CAPG: variants seen among roughly 807,000 people sequenced by gnomAD.
CAPG encodes the protein capping actin protein, gelsolin like.
A neutral mutation model predicts 44.6 loss-of-function variants in CAPG; 32 were observed. The observed-to-expected ratio is 0.72, with a 90% CI of 0.54 to 0.96. The LOEUF (loss-of-function observed/expected upper bound fraction) is 0.96. Among genes scored for constraint, CAPG ranks in the 50% least tolerant of loss-of-function variants. The pLI is 0.00. For missense variants in CAPG, 412 were observed against 438.3 expected, an observed-to-expected ratio of 0.94 and a Z score of 0.54; for synonymous variants, 175 against 179.6, an observed-to-expected ratio of 0.97 and a Z score of 0.20.
rs920151237 is a variant in CAPG at position 85,399,126 on chromosome 2, G to A, written c.666+10C>T. The A allele has an allele frequency of 6.2e-7, 1 of 1,611,172 alleles. No individual in the cohort carries two copies. Among genetic ancestry groups the A allele is most frequent in the Non-Finnish European group, 8.5e-7 (1 of 1,177,698 alleles). On this transcript the variant is annotated intron_variant, in intron 6 of 9. Coordinates refer to ENST00000263867, the MANE Select transcript of CAPG (RefSeq NM_001747.4). ...GAGGCTCCCAGCCACCCACTCCAATGTCCCCCAACCTGGATCATCTCAGCA... is the reference window on the plus strand; with the variant it reads ...GAGGCTCCCAGCCACCCACTCCAATATCCCCCAACCTGGATCATCTCAGCA...
At chr2:85,392,851 G>T (rs972846843), downstream of CAPG, among the ~76,000 whole-genome samples, 2 of 152,130 alleles carry the variant, frequency 1.3e-5, no homozygotes, top group African/African-American at 2.4e-5. Context: ...CAGGTTGGGT[G>T]ATTCTTCCCT....
At position 85,399,296 on chromosome 2, in the gene CAPG, G is replaced by A; in HGVS notation, c.517-11C>T. 1.9e-6 allele frequency: 3 copies of A among 1,613,630 alleles called. No individual in the cohort carries two copies. The highest frequency in any genetic ancestry group is 2.2e-5 in the East Asian group (1 of 44,858). ...CCAGGCGAAGATGTTCTGCAAGGAA[G>A]CAGGAAAGTCCGGGTCAGAGCCAGA... On this transcript the variant is annotated splice_polypyrimidine_tract_variant and intron_variant, in intron 5 of 9. Coordinates refer to ENST00000263867, the MANE Select transcript of CAPG (RefSeq NM_001747.4).
At chr2:85,393,689 C>G (rs1686468089), downstream of CAPG, among the ~76,000 whole-genome samples, 1 of 152,170 alleles carries the variant, frequency 6.6e-6, no homozygotes, top group African/African-American at 2.4e-5. Flanking sequence ...CTCAGCCTCC[C>G]AAGTAGCTGA....
Position 85,395,868 on chromosome 2 carries a change from C to CAAA in CAPG, c.893-245_893-243dup. Reference sequence around the variant, plus strand: ...CCTCGTCTGCCCGGGTCTGATCATGCAAAACTCTGCTCTGACCTGGGCCCC... The same window carrying CAAA: ...CCTCGTCTGCCCGGGTCTGATCATGCAAAAAAACTCTGCTCTGACCTGGGCCCC... On this transcript the variant is annotated intron_variant, in intron 8 of 9. Coordinates refer to ENST00000263867, the MANE Select transcript of CAPG (RefSeq NM_001747.4). This position sits in a 1 kb window ranked among gnomAD's most constrained non-coding sequence, Gnocchi z 4.3. 1.9e-6 allele frequency: 1 copy of CAAA among 517,254 alleles called. No individual in the cohort carries two copies. The highest frequency in any genetic ancestry group is 3.5e-6 in the Non-Finnish European group (1 of 284,760). 32.0% of individuals were successfully genotyped at this position (517,254 alleles called of 1,614,324 possible). A position where few individuals can be genotyped will look rare whatever the true frequency, so the allele number is the denominator to read the frequency against.
rs1470726270 is a variant in CAPG, at chr2:85,394,931, T to G, written c.1009A>C (p.Ser337Arg). 2 of 1,613,262 alleles carry G rather than the reference T, an allele frequency of 1.2e-6. No individual in the cohort carries two copies. Among genetic ancestry groups the G allele is most frequent in the East Asian group, 2.2e-5 (1 of 44,884 alleles). ...QVEILPQGHE[S>R]PIFKQFFKDW... ...TTGAAAAATTGCTTGAAGATGGGAC[T>G]CTCATGGCCCTGAGGCAGAATCTCC... Residue 337 changes from serine to arginine, a missense_variant, in exon 10 of 10, where the codon AGT (serine) becomes CGT (arginine). Coordinates refer to ENST00000263867, the MANE Select transcript of CAPG (RefSeq NM_001747.4).
At chr2:85,404,030 G>A (rs1687030550) in intron 1 of CAPG, among the ~76,000 whole-genome samples, 1 of 151,910 alleles carries the variant, frequency 6.6e-6, no homozygotes, top group Non-Finnish European at 1.5e-5. Flanking sequence ...GGTGATGATA[G>A]CTAATAATAA....
rs1428333876 is a variant in CAPG, at chr2:85,395,582, CCA to C, written c.935_936del (p.Val312GlyfsTer24). On this transcript the variant is annotated frameshift_variant, in exon 9 of 10. Transcript: ENST00000263867. LOFTEE classifies it high-confidence loss of function. The surrounding 1 kb of genome is among the most constrained non-coding windows in gnomAD (Gnocchi z 4.3). Reference protein sequence around the residue: ...NEKERQAALQVAEGFISRMQY... With the variant: ...NEKERQAALQXAEGFISRMQY... Reference sequence around the variant, plus strand: ...TGCATGCGCGAGATGAAGCCCTCGGCCACCTGCAGGGCTGCCTGCCGCTCCTT... The same window carrying C: ...TGCATGCGCGAGATGAAGCCCTCGGCCCTGCAGGGCTGCCTGCCGCTCCTT... 6.2e-7 allele frequency: 1 copy of C among 1,613,850 alleles called. No homozygotes were observed.
downstream of CAPG, among the ~76,000 whole-genome samples, chr2:85,394,339 G>A (rs1558727318): frequency 1.3e-5 from 2 of 152,262 alleles, no homozygotes; most frequent in South Asian, 4.1e-4. Context: ...GCTGGGCAAT[G>A]TGCCTACGAA....
downstream of CAPG, among the ~76,000 whole-genome samples, chr2:85,393,726 G>A (rs1360774817): frequency 3.3e-5 from 5 of 152,064 alleles, no homozygotes; most frequent in Admixed American, 6.6e-5. Flanking sequence ...AACCATGCCC[G>A]GCTAATTTTT....
intron 1 of CAPG, among the ~76,000 whole-genome samples, chr2:85,405,498 G>A (rs1347467137): frequency 2.6e-5 from 4 of 152,100 alleles, no homozygotes; most frequent in Non-Finnish European, 5.9e-5. Context: ...AGATTCTTGG[G>A]GGCTGGGGCA....
chr2:85,403,575 T>C (rs1224863873), intron 1 of CAPG, among the ~76,000 whole-genome samples: 1 of 152,166 alleles, frequency 6.6e-6, no homozygotes, highest in Non-Finnish European at 1.5e-5. Flanking sequence ...GTATCTCTCA[T>C]GAACATACAC....
At chr2:85,400,032 C>T (rs1456538017) in intron 5 of CAPG, among the ~76,000 whole-genome samples, 2 of 152,162 alleles carry the variant, frequency 1.3e-5, no homozygotes, top group Non-Finnish European at 2.9e-5. Context: ...TGAGCAGCCA[C>T]GCCCAGCACC....
Position 85,398,193 on chromosome 2 carries a change from C to G in CAPG, c.760-41G>C, listed in dbSNP as rs140149844. On this transcript the variant is annotated intron_variant, in intron 7 of 9. Transcript: ENST00000263867. ...AGTGCCTGATCTCACCCCCCACACACCAGCCCTCACCTCAGCCTGAGGAGG... is the reference window on the plus strand; with the variant it reads ...AGTGCCTGATCTCACCCCCCACACAGCAGCCCTCACCTCAGCCTGAGGAGG... 528 of 1,600,244 alleles carry G rather than the reference C, an allele frequency of 3.3e-4. 5 individuals are homozygous for G. In the East Asian group the frequency reaches 0.01, roughly 31 times the overall value.
At chr2:85,399,899 G>T (rs911848352) in intron 5 of CAPG, among the ~76,000 whole-genome samples, 1 of 151,966 alleles carries the variant, frequency 6.6e-6, no homozygotes, top group African/African-American at 2.4e-5. Flanking sequence ...GTGCCACCAG[G>T]CCCGGCTAAT....
At chr2:85,400,185 G>C (rs1407200337) in intron 5 of CAPG, among the ~76,000 whole-genome samples, 1 of 152,216 alleles carries the variant, frequency 6.6e-6, no homozygotes, top group Non-Finnish European at 1.5e-5. Context: ...TGCTAAAACA[G>C]AGCCCGGCAT....
chr2:85,412,829 T>C (rs1281115091), upstream of CAPG, among the ~76,000 whole-genome samples: 1 of 152,216 alleles, frequency 6.6e-6, no homozygotes, highest in Non-Finnish European at 1.5e-5. Context: ...TTACTAGCTG[T>C]GCAAGTGACT....
At position 85,398,068 on chromosome 2, in the gene CAPG, A is replaced by T; in HGVS notation, c.844T>A (p.Cys282Ser). 6.2e-7 allele frequency: 1 copy of T among 1,614,132 alleles called. No homozygotes were observed. The highest frequency in any genetic ancestry group is 8.5e-7 in the Non-Finnish European group (1 of 1,180,004). The part of the protein sequence containing the change: ...FALELLISDD[C>S]FVLDNGLCGK... ...CAGAGCCCGTTGTCCAGCACAAAGC[A>T]GTCATCAGATATCAGCAGTTCAAGG... Residue 282 changes from cysteine to serine, a missense_variant, in exon 8 of 10, where the codon TGC becomes AGC. Cys to Ser is a moderately radical substitution (Grantham distance 112). Transcript: ENST00000263867.
chr2:85,396,755 C>T (rs1321912777), intron 8 of CAPG, among the ~76,000 whole-genome samples: 1 of 152,146 alleles, frequency 6.6e-6, no homozygotes, highest in Non-Finnish European at 1.5e-5. Context: ...ACACGCCTCT[C>T]GCTTTCCACT....
In CAPG at chr2:85,395,908, G is replaced by T. The variant is rs371137374; in HGVS notation, c.893-282C>A. On this transcript the variant is annotated intron_variant, in intron 8 of 9. Coordinates refer to ENST00000263867, the MANE Select transcript of CAPG (RefSeq NM_001747.4). This position sits in a 1 kb window ranked among gnomAD's most constrained non-coding sequence, Gnocchi z 4.3. ...ACCTGGGCCCCTGGAATATTTCAGG[G>T]AGGGGAACAGGTGTTCACCCTAGCA... 7 of 424,770 alleles carry T rather than the reference G, an allele frequency of 1.6e-5. No individual in the cohort carries two copies. Among genetic ancestry groups the T allele is most frequent in the East Asian group, 4.4e-5 (1 of 22,826 alleles). The allele number at this position is 424,770 out of a possible 1,614,324, so 26.3% of individuals were successfully genotyped here. A position where few individuals can be genotyped will look rare whatever the true frequency, so the allele number is the denominator to read the frequency against.
Sources: allele counts gnomAD v4.1 joint callset (sites outside exome capture counted in the v4.1 genomes callset), GRCh38; gene constraint gnomAD v4.1.1; non-coding constraint Gnocchi (gnomAD v3.1); transcripts MANE v1.5; gene names NCBI Gene and HGNC (gene_info 2026-07-23, HGNC 2026-07-21).